Variants in PTPN20 observed in about 807,000 individuals in gnomAD.
PTPN20 encodes protein tyrosine phosphatase non-receptor type 20.
Under a neutral mutation model 35.0 loss-of-function variants are expected in PTPN20, and 9 were observed. The ratio of observed to expected loss-of-function variants is 0.26; its 90% CI spans 0.15 to 0.45. PTPN20 has a LOEUF of 0.45. Among genes scored for constraint, PTPN20 ranks in the 20% least tolerant of loss-of-function variants. The pLI is 1.00. For missense variants in PTPN20, 111 were observed against 312.5 expected, an observed-to-expected ratio of 0.36 and a Z score of 4.86; for synonymous variants, 32 against 100.2, an observed-to-expected ratio of 0.32 and a Z score of 4.06.
At chr10:46,977,177 A>G (rs2053970831) in intron 7 of PTPN20, among the ~76,000 whole-genome samples, 1 of 152,304 alleles carries the variant, frequency 6.6e-6, no homozygotes. Context: ...TAAAATTTCC[A>G]GAGGAAGAAG....
At chr10:46,954,988 G>A (rs1225877012) in intron 5 of PTPN20, 2 of 151,408 alleles carry the variant, frequency 1.3e-5, no homozygotes, top group Non-Finnish European at 2.9e-5. Flanking sequence ...TATTTACATG[G>A]CATTTATGTT....
Position 46,940,676 on chromosome 10 carries a change from A to C in PTPN20, c.88A>C (p.Thr30Pro). 1 of 1,611,222 alleles carries C rather than the reference A, an allele frequency of 6.2e-7. No individual in the cohort carries two copies. Among genetic ancestry groups the C allele is most frequent in the Non-Finnish European group, 8.5e-7 (1 of 1,179,776 alleles). Residue 30 changes from threonine (T) to proline (P), a missense_variant, in exon 3 of 11, where the codon ACT becomes CCT. This residue lies in a region of PTPN20 where 22 missense variants were observed against 49.2 expected (regional missense o/e 0.45). Transcript: ENST00000374339. ...SEAEDLNFRE[T>P]LPSSSQENTP... Reference sequence around the variant, plus strand: ...AGCAGAAGACTTGAATTTCAGGGAGACTTTGCCTTCATCAAGTCAGGAAAA... The same window carrying C: ...AGCAGAAGACTTGAATTTCAGGGAGCCTTTGCCTTCATCAAGTCAGGAAAA...
rs1247401352 is a variant in PTPN20 at position 46,947,080 on chromosome 10, AC to A, written c.340+406del. On this transcript the variant is annotated intron_variant, in intron 5 of 10. Transcript: ENST00000374339. Reference sequence around the variant, plus strand: ...TCACATGTTTATAGTGGAAAAAAAGACAATAACAAATATATAATAAATTATA... The same window carrying A: ...TCACATGTTTATAGTGGAAAAAAAGAAATAACAAATATATAATAAATTATA... 1.4e-4 allele frequency among the ~76,000 whole-genome samples: 20 copies of A among 146,020 alleles called. No homozygotes were observed. The East Asian group carries it at 1.6e-3, about 12-fold the overall frequency.
intron 8 of PTPN20, among the ~76,000 whole-genome samples, chr10:46,984,909 T>TA (rs2056573556): frequency 2.4e-5 from 1 of 42,388 alleles, no homozygotes; most frequent in Non-Finnish European, 4.9e-5. Context: ...AGTGGAGAGG[T>TA]TGGTTACACT....
At chr10:46,992,202 A>C (rs1311468466) in intron 9 of PTPN20, among the ~76,000 whole-genome samples, 5 of 149,154 alleles carry the variant, frequency 3.4e-5, no homozygotes, top group Non-Finnish European at 7.4e-5. Context: ...AGCTCACTAC[A>C]TCCTCCACCT....
At chr10:47,003,213 A>G (rs1366065944), downstream of PTPN20, among the ~76,000 whole-genome samples, 1 of 152,062 alleles carries the variant, frequency 6.6e-6, no homozygotes, top group Non-Finnish European at 1.5e-5. Flanking sequence ...TAAAAGATTG[A>G]ATACAAGCAT....
chr10:46,923,045 G>A (rs2035912403), intron 1 of PTPN20, among the ~76,000 whole-genome samples: 1 of 143,330 alleles, frequency 7.0e-6, no homozygotes, highest in Non-Finnish European at 1.5e-5. Flanking sequence ...TGGGTCAAGG[G>A]TCCTGGAGAT....
chr10:46,932,394 G>T lies in PTPN20; in HGVS notation c.-106G>T. ...TTTACCAGGTGAACAAAAATTGTTTGCTGGCCCCCAGGATACTAACTAGAC... is the reference window on the plus strand; with the variant it reads ...TTTACCAGGTGAACAAAAATTGTTTTCTGGCCCCCAGGATACTAACTAGAC... On this transcript the variant is annotated 5_prime_UTR_variant, in exon 2 of 11. Coordinates refer to ENST00000374339, the MANE Select transcript of PTPN20 (RefSeq NM_001042357.5). 1 of 1,606,022 alleles carries T rather than the reference G, an allele frequency of 6.2e-7. No individual in the cohort carries two copies.
chr10:46,947,935 A>G (rs1433541557), intron 5 of PTPN20: 13 of 452,986 alleles, frequency 2.9e-5, no homozygotes, highest in Non-Finnish European at 4.9e-5. Flanking sequence ...TTGTGTAAAC[A>G]TAAGTTTCCA....
At chr10:46,953,640 C>A (rs1288526862) in intron 5 of PTPN20, among the ~76,000 whole-genome samples, 1 of 134,184 alleles carries the variant, frequency 7.5e-6, no homozygotes, top group African/African-American at 3.3e-5. Context: ...TTGTTAAATG[C>A]TTTTTCTGCG....
chr10:46,995,341 T>TC (rs1443967348), intron 9 of PTPN20, among the ~76,000 whole-genome samples: 10 of 146,664 alleles, frequency 6.8e-5, no homozygotes, highest in African/African-American at 2.5e-4. Context: ...TTCTTTTTTT[T>TC]TTTTTTTTTT....
chr10:46,931,965 T>TAATTCTTATTTATTCAGTACTG (rs2039769440), intron 1 of PTPN20, among the ~76,000 whole-genome samples: 1 of 148,244 alleles, frequency 6.7e-6, no homozygotes, highest in Admixed American at 6.6e-5. Context: ...TCTCTGTAAT[T>TAATTCTTATTTATTCAGTACTG]AATTCTTATT....
chr10:46,996,735 T>C (rs898879593), intron 9 of PTPN20, among the ~76,000 whole-genome samples: 17 of 152,228 alleles, frequency 1.1e-4, no homozygotes, highest in Non-Finnish European at 2.4e-4. Context: ...TTGAAAATTC[T>C]GTTATTCCTC....
In PTPN20 at chr10:46,994,489, G is replaced by A. The variant is rs1385991569; in HGVS notation, c.1135-5423G>A. Among the ~76,000 whole-genome samples the A allele has an allele frequency of 4.6e-5, 7 of 151,652 alleles. No individual in the cohort carries two copies. In the East Asian group the frequency reaches 1.2e-3, roughly 25 times the overall value. On this transcript the variant is annotated intron_variant, in intron 9 of 10. Transcript: ENST00000374339. ...TGGGACTACAGGCGCCCGCCATCAC[G>A]CCCGGCTAATTTTTTTGTATTTTTT...
At chr10:46,937,955 T>TC (rs1460935166) in intron 2 of PTPN20, among the ~76,000 whole-genome samples, 2 of 148,510 alleles carry the variant, frequency 1.3e-5, no homozygotes, top group East Asian at 2.0e-4. Flanking sequence ...CTTTTCTTTT[T>TC]TTTTTTTTTT....
intron 5 of PTPN20, among the ~76,000 whole-genome samples, chr10:46,960,549 G>T (rs1381998403): frequency 6.6e-6 from 1 of 151,050 alleles, no homozygotes; most frequent in Non-Finnish European, 1.5e-5. Flanking sequence ...ATTTGTTCAT[G>T]TATATTGTCT....
chr10:46,928,546 A>G (rs1348165060), intron 1 of PTPN20, among the ~76,000 whole-genome samples: 1 of 152,168 alleles, frequency 6.6e-6, no homozygotes, highest in Non-Finnish European at 1.5e-5. Context: ...TGGAGGTAGC[A>G]CTTTAGCACT....
At chr10:46,936,493 G>T (rs1237945159) in intron 2 of PTPN20, among the ~76,000 whole-genome samples, 4 of 151,834 alleles carry the variant, frequency 2.6e-5, no homozygotes, top group East Asian at 1.9e-4. Context: ...ATTTTGTAAG[G>T]CTGTAGCTGC....
At chr10:46,996,078 A>G (rs987565122) in intron 9 of PTPN20, among the ~76,000 whole-genome samples, 4 of 152,176 alleles carry the variant, frequency 2.6e-5, no homozygotes, top group Non-Finnish European at 5.9e-5. Context: ...TCTCTTTAAG[A>G]TAATTATTTT....
Sources: gnomAD v4.1 joint callset for allele counts (sites outside exome capture counted in the v4.1 genomes callset) on GRCh38, gnomAD v4.1.1 for gene constraint, gnomAD v4.1.1 regional missense constraint, MANE v1.5 for transcripts, NCBI Gene and HGNC (gene_info 2026-07-23, HGNC 2026-07-21) for gene names.